NCOR1: variants seen among roughly 807,000 people sequenced by gnomAD.
The protein encoded by NCOR1 is protein phosphatase 1, regulatory subunit 109.
A neutral mutation model predicts 288.1 loss-of-function variants in NCOR1; 63 were observed. The ratio of observed to expected loss-of-function variants is 0.22; its 90% CI spans 0.18 to 0.27. The LOEUF is 0.27. Among genes scored for constraint, NCOR1 ranks in the 10% least tolerant of loss-of-function variants. The pLI is 1.00. For missense variants in NCOR1, 2,397 were observed against 3,019.2 expected (o/e 0.79, Z 4.83); for synonymous variants, 1,007 against 1,065.9 (o/e 0.94, Z 1.08).
intron 3 of NCOR1, among the ~76,000 whole-genome samples, chr17:16,176,236 A>T (rs766834968): frequency 2.6e-5 from 4 of 152,126 alleles, no homozygotes; most frequent in Non-Finnish European, 4.4e-5. Flanking sequence ...AGAAAAAAGA[A>T]AAAAAAGAAA....
At position 16,207,559 on chromosome 17, in the gene NCOR1, G is replaced by C. The variant is rs188435641; in HGVS notation, c.-71+7803C>G. Among the ~76,000 whole-genome samples, 492 of 152,102 alleles carry C rather than the reference G, an allele frequency of 3.2e-3. 5 individuals carry two copies. Among genetic ancestry groups the C allele is most frequent in the African/African-American group, 0.011 (455 of 41,510 alleles). On this transcript the variant is annotated intron_variant, in intron 1 of 45. Coordinates refer to ENST00000268712, the MANE Select transcript of NCOR1 (RefSeq NM_006311.4). ...GATCGAGACCATCCTGGCTAACACA[G>C]TGAAACCCCATCTCTACTAAAAATA...
At chr17:16,102,273 AC>A (rs2067764607) in intron 19 of NCOR1, among the ~76,000 whole-genome samples, 1 of 151,950 alleles carries the variant, frequency 6.6e-6, no homozygotes, top group South Asian at 2.1e-4. Context: ...AATAATTTAA[AC>A]TTTTTTTTTA....
At chr17:16,158,730 C>T in intron 6 of NCOR1, 30 bp downstream of exon 6, 2 of 1,439,694 alleles carry the variant, frequency 1.4e-6, no homozygotes, top group Non-Finnish European at 1.9e-6. Context: ...GGGTTAAAGG[C>T]CTGTGCTGCC....
chr17:16,100,625 C>T (rs1299390638), intron 20 of NCOR1, among the ~76,000 whole-genome samples: 1 of 152,056 alleles, frequency 6.6e-6, no homozygotes, highest in Non-Finnish European at 1.5e-5. Context: ...TGGGGAAGAA[C>T]GAGACTCCGT....
At chr17:16,138,033 T>G in intron 13 of NCOR1, 125 bp downstream of exon 13, 2 of 674,560 alleles carry the variant, frequency 3.0e-6, no homozygotes, top group Non-Finnish European at 5.1e-6. Flanking sequence ...ATTAATCACA[T>G]GAGACTCTTC....
chr17:16,129,577 T>G (rs1332818915), intron 14 of NCOR1, among the ~76,000 whole-genome samples: 1 of 152,216 alleles, frequency 6.6e-6, no homozygotes, highest in East Asian at 1.9e-4. Flanking sequence ...TGGGCAAGTT[T>G]TACTCAGCTC....
chr17:16,138,341 T>C, intron 12 of NCOR1, 129 bp from the exon 13 acceptor site: 1 of 704,244 alleles, frequency 1.4e-6, no homozygotes, highest in Admixed American at 2.9e-5. Context: ...TCCCAGCACT[T>C]TGGGAGGCCG....
chr17:16,155,350 CAAA>C (rs11367956), intron 6 of NCOR1, among the ~76,000 whole-genome samples: 9 of 114,886 alleles, frequency 7.8e-5, no homozygotes, highest in Admixed American at 9.3e-5. Flanking sequence ...GACTGTGTCT[CAAA>C]AAAAAAAAAA....
chr17:16,035,595 G>A (rs1974272528), intron 44 of NCOR1, among the ~76,000 whole-genome samples: 1 of 149,354 alleles, frequency 6.7e-6, no homozygotes, highest in Admixed American at 6.7e-5. Flanking sequence ...CACTGCAGTG[G>A]CACAATCACG....
At position 16,065,625 on chromosome 17, in the gene NCOR1, T is replaced by G; in HGVS notation, c.4811A>C (p.Tyr1604Ser). The change falls in exon 33 of 46, where the codon TAC becomes TCC. Residue 1604 changes from tyrosine to serine, a missense_variant. Coordinates refer to ENST00000268712, the MANE Select transcript of NCOR1 (RefSeq NM_006311.4). ...TGTCTGTCTTGTGTTCTCCATTGCG[T>G]AAAGCTGATACTGACTTGGGTAACC... ...TPGYPSQYQL[Y>S]AMENTRQTIL... is the part of the protein sequence containing the mutation. 6.2e-7 allele frequency: 1 copy of G among 1,614,198 alleles called. No individual in the cohort carries two copies. Among genetic ancestry groups the G allele is most frequent in the East Asian group, 2.2e-5 (1 of 44,888 alleles).
intron 2 of NCOR1, among the ~76,000 whole-genome samples, chr17:16,193,639 G>A (rs1341900842): frequency 2.6e-5 from 4 of 152,098 alleles, no homozygotes; most frequent in Non-Finnish European, 5.9e-5. Flanking sequence ...ACCCAATCAT[G>A]ACAGAAATTC....
intron 11 of NCOR1, 107 bp from the exon 12 acceptor site, chr17:16,139,293 A>C: frequency 1.2e-6 from 1 of 804,908 alleles, no homozygotes; most frequent in Non-Finnish European, 2.0e-6. Context: ...TATGCAGTTT[A>C]ATAACAATAG....
At chr17:16,045,607 C>G (rs2058528063) in intron 42 of NCOR1, among the ~76,000 whole-genome samples, 1 of 152,106 alleles carries the variant, frequency 6.6e-6, no homozygotes, top group Non-Finnish European at 1.5e-5. Flanking sequence ...CTCCCAGGTT[C>G]AAATGATTCT....
intron 8 of NCOR1, 185 bp downstream of exon 8, chr17:16,151,761 T>G: frequency 2.0e-6 from 2 of 990,214 alleles, no homozygotes; most frequent in Middle Eastern, 3.1e-4. Context: ...CCTCGGAAAC[T>G]CAAAGCTGTT....
rs1002423168 is a variant in NCOR1 at position 16,067,483 on chromosome 17, T to C, written c.4741+411A>G. 2.0e-5 allele frequency among the ~76,000 whole-genome samples: 3 copies of C among 152,248 alleles called. No homozygotes were observed. The South Asian group carries it at 6.2e-4, about 31-fold the overall frequency. Reference sequence around the variant, plus strand: ...TTTACTTAAAAAAAAGAATTTCTTTTATATAAGACAGTGAGACTTAATCAC... The same window carrying C: ...TTTACTTAAAAAAAAGAATTTCTTTCATATAAGACAGTGAGACTTAATCAC... On this transcript the variant is annotated intron_variant, in intron 32 of 45. Transcript: ENST00000268712.
chr17:16,107,285 C>G (rs757430962), intron 19 of NCOR1, among the ~76,000 whole-genome samples: 13 of 152,164 alleles, frequency 8.5e-5, no homozygotes, highest in South Asian at 2.1e-4. Context: ...GCCCTACCCC[C>G]CAATGTAACT....
intron 21 of NCOR1, among the ~76,000 whole-genome samples, chr17:16,095,547 AGCCCCCCGCCCGGCCAGCCGCCCC>A: frequency 8.1e-6 from 1 of 123,344 alleles, no homozygotes; most frequent in Admixed American, 8.1e-5. Context: ...TTGGGGGGTC[AGCCCCCCGCCCGGCCAGCCGCCCC>A]GTACAGGAGG....
At chr17:16,070,720 A>C (rs2061651476) in intron 30 of NCOR1, among the ~76,000 whole-genome samples, 195 bp from the exon 31 acceptor site, 1 of 152,158 alleles carries the variant, frequency 6.6e-6, no homozygotes, top group Non-Finnish European at 1.5e-5. Context: ...TATAGACATA[A>C]GAAAACCTGA....
intron 9 of NCOR1, among the ~76,000 whole-genome samples, chr17:16,148,679 A>AAAAAAC (rs2078382524): frequency 6.7e-6 from 1 of 149,720 alleles, no homozygotes; most frequent in African/African-American, 2.4e-5. Context: ...AAAAAAAAAA[A>AAAAAAC]AAAAAAAAAA....
Sources: allele counts gnomAD v4.1 joint callset (sites outside exome capture counted in the v4.1 genomes callset), GRCh38; gene constraint gnomAD v4.1.1; transcripts MANE v1.5; gene names NCBI Gene and HGNC (gene_info 2026-07-23, HGNC 2026-07-21).